Variants in MCUB observed in about 807,000 individuals in gnomAD.
MCUB encodes mitochondrial calcium uniporter dominant negative subunit beta.
A neutral mutation model predicts 41.4 loss-of-function variants in MCUB; 46 were observed. The observed-to-expected ratio is 1.11, with a 90% confidence interval of 0.88 to 1.42. The LOEUF (loss-of-function observed/expected upper bound fraction) is 1.42, where lower values mean the gene tolerates loss of function less well. Among genes scored for constraint, MCUB ranks in the 40% most tolerant of loss-of-function variants. The pLI is 0.00. For synonymous variants in MCUB, 148 were observed against 148.2 expected, an observed-to-expected ratio of 1.00 and a Z score of 0.01; for missense variants, 403 against 404.9, an observed-to-expected ratio of 1.00 and a Z score of 0.04.
At chr4:109,661,321 A>G (rs1021115661) in intron 3 of MCUB, among the ~76,000 whole-genome samples, 1 of 152,196 alleles carries the variant, frequency 6.6e-6, no homozygotes, top group African/African-American at 2.4e-5. Context: ...TTTCATTATG[A>G]TATTAAATAC....
At chr4:109,643,464 G>A (rs1049807937) in intron 1 of MCUB, among the ~76,000 whole-genome samples, 47 of 142,682 alleles carry the variant, frequency 3.3e-4, no homozygotes, top group Admixed American at 1.5e-3. Flanking sequence ...GGATTACAGG[G>A]ATAAGCCACC....
intron 1 of MCUB, among the ~76,000 whole-genome samples, chr4:109,626,821 C>CAAAAAAA (rs58560479): frequency 1.2e-5 from 1 of 81,588 alleles, no homozygotes; most frequent in African/African-American, 5.2e-5. Context: ...GAGTCCGACT[C>CAAAAAAA]AAAAAAAAAA....
At chr4:109,598,719 G>A (rs1727652326) in intron 1 of MCUB, among the ~76,000 whole-genome samples, 1 of 152,064 alleles carries the variant, frequency 6.6e-6, no homozygotes, top group African/African-American at 2.4e-5. Flanking sequence ...GGTGAGGCCT[G>A]GTTACAAAGG....
chr4:109,625,249 A>G (rs1273510469), intron 1 of MCUB, among the ~76,000 whole-genome samples: 1 of 152,194 alleles, frequency 6.6e-6, no homozygotes, highest in East Asian at 1.9e-4. Flanking sequence ...GCCTTCTCCC[A>G]GCTACTCTCA....
At chr4:109,563,473 T>C (rs1726689758) in intron 1 of MCUB, among the ~76,000 whole-genome samples, 2 of 152,200 alleles carry the variant, frequency 1.3e-5, no homozygotes, top group Admixed American at 6.5e-5. Flanking sequence ...TTGCAGTTGG[T>C]ACATTGTATT....
At chr4:109,632,294 T>C (rs1431246524) in intron 1 of MCUB, among the ~76,000 whole-genome samples, 2 of 152,160 alleles carry the variant, frequency 1.3e-5, no homozygotes, top group East Asian at 1.9e-4. Context: ...TCATGGGCCA[T>C]GGTTTGCTGA....
chr4:109,564,213 A>G (rs756150764), intron 1 of MCUB, among the ~76,000 whole-genome samples: 8 of 151,214 alleles, frequency 5.3e-5, no homozygotes, highest in Non-Finnish European at 1.2e-4. Flanking sequence ...GTTCACTGCA[A>G]CCTCCGCCTC....
chr4:109,626,822 A>G (rs1424488874), intron 1 of MCUB, among the ~76,000 whole-genome samples: 1 of 37,454 alleles, frequency 2.7e-5, no homozygotes, highest in Non-Finnish European at 7.2e-5. Flanking sequence ...AGTCCGACTC[A>G]AAAAAAAAAA....
intron 1 of MCUB, among the ~76,000 whole-genome samples, chr4:109,607,308 C>T (rs1289560194): frequency 2.0e-5 from 3 of 152,088 alleles, no homozygotes; most frequent in Non-Finnish European, 4.4e-5. Context: ...ACCTCTGCCT[C>T]TCGGGTTCAA....
intron 1 of MCUB, among the ~76,000 whole-genome samples, chr4:109,656,614 G>A (rs1222694514): frequency 2.6e-5 from 4 of 151,634 alleles, no homozygotes; most frequent in East Asian, 1.9e-4. Context: ...CAAGCAATCC[G>A]TCTGCCTCAG....
At chr4:109,685,509 T>C (rs1207173813) in intron 7 of MCUB, 142 bp downstream of exon 7, 1 of 481,404 alleles carries the variant, frequency 2.1e-6, no homozygotes, top group Non-Finnish European at 3.7e-6. Context: ...TTGAAATGGT[T>C]GACATATTTC....
chr4:109,668,087 G>T (rs548886442), intron 4 of MCUB, among the ~76,000 whole-genome samples: 1 of 151,964 alleles, frequency 6.6e-6, no homozygotes, highest in African/African-American at 2.4e-5. Flanking sequence ...GATGTTCCCT[G>T]TGAACTTGAG....
intron 1 of MCUB, among the ~76,000 whole-genome samples, chr4:109,582,563 A>C (rs113451185): frequency 7.6e-4 from 96 of 126,284 alleles, no homozygotes; most frequent in African/African-American, 1.6e-3. Context: ...AGTTTAACAA[A>C]AAAAAAAAAA....
At chr4:109,628,030 AG>A (rs1374085755) in intron 1 of MCUB, among the ~76,000 whole-genome samples, 1 of 152,188 alleles carries the variant, frequency 6.6e-6, no homozygotes, top group Non-Finnish European at 1.5e-5. Flanking sequence ...AATAAGAATT[AG>A]GAAGATGTTA....
intron 1 of MCUB, among the ~76,000 whole-genome samples, chr4:109,610,141 T>C (rs1727973930): frequency 6.6e-6 from 1 of 152,158 alleles, no homozygotes; most frequent in Admixed American, 6.5e-5. Flanking sequence ...TGGTGAATGC[T>C]ACCAGGCCTG....
At chr4:109,601,359 G>T (rs75040432) in intron 1 of MCUB, among the ~76,000 whole-genome samples, 1 of 151,944 alleles carries the variant, frequency 6.6e-6, no homozygotes, top group Non-Finnish European at 1.5e-5. Flanking sequence ...TTTTGGGGGG[G>T]TACCTGTTAA....
At chr4:109,582,517 A>G (rs1727205022) in intron 1 of MCUB, among the ~76,000 whole-genome samples, 1 of 150,912 alleles carries the variant, frequency 6.6e-6, no homozygotes, top group Non-Finnish European at 1.5e-5. Context: ...CTAAAACTTA[A>G]AGTATAATAA....
At chr4:109,655,640 T>G (rs983664893) in intron 1 of MCUB, among the ~76,000 whole-genome samples, 1 of 152,168 alleles carries the variant, frequency 6.6e-6, no homozygotes, top group East Asian at 1.9e-4. Flanking sequence ...TTTGCCCTGA[T>G]AGCAAATTCC....
At chr4:109,582,319 T>C (rs1057356131) in intron 1 of MCUB, among the ~76,000 whole-genome samples, 1 of 135,728 alleles carries the variant, frequency 7.4e-6, no homozygotes, top group Admixed American at 8.5e-5. Flanking sequence ...TAGGTGGGAA[T>C]TGAACAATGA....
Sources: allele counts gnomAD v4.1 joint callset (sites outside exome capture counted in the v4.1 genomes callset), GRCh38; gene constraint gnomAD v4.1.1; transcripts MANE v1.5; gene names NCBI Gene and HGNC (gene_info 2026-07-23, HGNC 2026-07-21).